Variants in RALA observed in about 807,000 individuals in gnomAD.
RALA encodes ras-related protein Ral-A.
In RALA, 5 loss-of-function variants were observed where a neutral mutation model predicts 24.0. The ratio of observed to expected loss-of-function variants is 0.21; its 90% CI spans 0.11 to 0.44. The LOEUF (loss-of-function observed/expected upper bound fraction) is 0.44. RALA is among the 20% of genes least tolerant of loss of function. The probability of loss-of-function intolerance (pLI) is 0.99; values close to 1 mark genes in which losing one functional copy is unlikely to be tolerated. For missense variants in RALA, 95 were observed against 241.2 expected (o/e 0.39, Z 4.01); for synonymous variants, 77 against 83.8 (o/e 0.92, Z 0.44).
At chr7:39,704,533 G>A (rs929803645) in intron 4 of RALA, among the ~76,000 whole-genome samples, 5 of 151,954 alleles carry the variant, frequency 3.3e-5, no homozygotes, top group African/African-American at 1.2e-4. Flanking sequence ...GGCCAGGCTG[G>A]TCTTGAACTC....
At position 39,706,274 on chromosome 7, in the gene RALA, A is replaced by T; in HGVS notation, c.*29A>T. 6.3e-7 allele frequency: 1 copy of T among 1,582,164 alleles called. No homozygotes were observed. Among genetic ancestry groups the T allele is most frequent in the Non-Finnish European group, 8.6e-7 (1 of 1,168,934 alleles). Reference sequence around the variant, plus strand: ...AAGCCCAAACTCCTTTCTTATCTTGACCATACTAATAAATATAATTTATAA... The same window carrying T: ...AAGCCCAAACTCCTTTCTTATCTTGTCCATACTAATAAATATAATTTATAA... On this transcript the variant is annotated 3_prime_UTR_variant, in exon 5 of 5. Transcript: ENST00000005257.
At chr7:39,644,073 A>G (rs551501977) in intron 1 of RALA, among the ~76,000 whole-genome samples, 1 of 152,338 alleles carries the variant, frequency 6.6e-6, no homozygotes, top group Admixed American at 6.5e-5. Context: ...TGAGAGAGAC[A>G]AAATTCTGGA....
intron 1 of RALA, among the ~76,000 whole-genome samples, chr7:39,662,959 G>A (rs1347339497): frequency 6.6e-6 from 1 of 152,218 alleles, no homozygotes; most frequent in East Asian, 1.9e-4. Flanking sequence ...GGCTGGAAAG[G>A]CCTCACAATC....
intron 3 of RALA, among the ~76,000 whole-genome samples, chr7:39,690,936 CA>C (rs1400367723): frequency 2.0e-5 from 3 of 152,170 alleles, no homozygotes; most frequent in African/African-American, 7.2e-5. Flanking sequence ...GGAGCTTACT[CA>C]GGTTTTACAT....
intron 1 of RALA, among the ~76,000 whole-genome samples, chr7:39,626,136 C>T (rs1432514359): frequency 6.6e-6 from 1 of 152,128 alleles, no homozygotes; most frequent in Non-Finnish European, 1.5e-5. Context: ...AATTTCTTAC[C>T]TCAGTGACAT....
intron 1 of RALA, among the ~76,000 whole-genome samples, chr7:39,633,344 G>A (rs1257944641): frequency 6.6e-6 from 1 of 152,188 alleles, no homozygotes; most frequent in Non-Finnish European, 1.5e-5. Flanking sequence ...TAAAATCATG[G>A]CAGAAGATGA....
At chr7:39,653,528 A>G (rs1394998166) in intron 1 of RALA, among the ~76,000 whole-genome samples, 1 of 150,732 alleles carries the variant, frequency 6.6e-6, no homozygotes, top group Non-Finnish European at 1.5e-5. Flanking sequence ...AGACCTTGCT[A>G]TGTTGCCCAG....
intron 3 of RALA, among the ~76,000 whole-genome samples, chr7:39,692,314 C>T (rs1792834977): frequency 6.6e-6 from 1 of 152,198 alleles, no homozygotes; most frequent in South Asian, 2.1e-4. Flanking sequence ...CTATTCCTTT[C>T]CTGTCTCAGT....
chr7:39,681,112 A>T (rs938757160), intron 1 of RALA, among the ~76,000 whole-genome samples: 5 of 152,042 alleles, frequency 3.3e-5, no homozygotes, highest in Non-Finnish European at 5.9e-5. Context: ...TGTCTTCTAG[A>T]TCATTAATTT....
At chr7:39,656,786 C>A (rs1792103525) in intron 1 of RALA, among the ~76,000 whole-genome samples, 1 of 152,176 alleles carries the variant, frequency 6.6e-6, no homozygotes, top group African/African-American at 2.4e-5. Flanking sequence ...ATCTCTTGAT[C>A]TGGACCCTGG....
intron 4 of RALA, 78 bp from the exon 5 acceptor site, chr7:39,706,045 A>G: frequency 7.6e-7 from 1 of 1,310,672 alleles, no homozygotes; most frequent in Non-Finnish European, 1.1e-6. Context: ...TTACCCCCAA[A>G]GTTTACTGCT....
intron 1 of RALA, among the ~76,000 whole-genome samples, chr7:39,667,625 C>G (rs763895402): frequency 6.6e-6 from 1 of 152,184 alleles, no homozygotes; most frequent in Non-Finnish European, 1.5e-5. Context: ...ATAGGACTTG[C>G]TATTAATTAA....
intron 4 of RALA, among the ~76,000 whole-genome samples, chr7:39,701,489 G>C (rs752007603): frequency 3.9e-5 from 6 of 152,188 alleles, no homozygotes; most frequent in Non-Finnish European, 7.3e-5. Flanking sequence ...TCCAGCCTGG[G>C]TAATGGGAGT....
intron 1 of RALA, among the ~76,000 whole-genome samples, chr7:39,634,886 G>A (rs748669324): frequency 1.3e-5 from 2 of 151,876 alleles, no homozygotes; most frequent in African/African-American, 4.8e-5. Context: ...TACTTATCTG[G>A]TTACAACTGC....
chr7:39,699,836 C>T (rs538514131), intron 4 of RALA, among the ~76,000 whole-genome samples: 1 of 152,304 alleles, frequency 6.6e-6, no homozygotes, highest in East Asian at 1.9e-4. Flanking sequence ...GAACTTTTTG[C>T]CATATTCATG....
chr7:39,654,176 A>G (rs1005262512), intron 1 of RALA, among the ~76,000 whole-genome samples: 2 of 152,230 alleles, frequency 1.3e-5, no homozygotes, highest in African/African-American at 4.8e-5. Flanking sequence ...AAACATTTTT[A>G]TTGAATTGTA....
intron 1 of RALA, among the ~76,000 whole-genome samples, chr7:39,630,571 C>G (rs1265058833): frequency 2.0e-5 from 3 of 152,106 alleles, no homozygotes; most frequent in African/African-American, 4.8e-5. Flanking sequence ...AAGTTTTAGT[C>G]ATATTCAGGA....
chr7:39,639,522 C>T (rs539115469), intron 1 of RALA, among the ~76,000 whole-genome samples: 6 of 152,222 alleles, frequency 3.9e-5, no homozygotes, highest in African/African-American at 1.4e-4. Context: ...GACTGCATAG[C>T]CATTGCACTC....
chr7:39,705,041 C>G (rs1336041509), intron 4 of RALA, among the ~76,000 whole-genome samples: 1 of 152,188 alleles, frequency 6.6e-6, no homozygotes, highest in African/African-American at 2.4e-5. Context: ...ACAAGATACA[C>G]TCAGAGATGC....
Sources: allele counts gnomAD v4.1 joint callset (sites outside exome capture counted in the v4.1 genomes callset), GRCh38; gene constraint gnomAD v4.1.1; transcripts MANE v1.5; gene names NCBI Gene and HGNC (gene_info 2026-07-23, HGNC 2026-07-21).